The following MCTP1 variants were observed in gnomAD, a reference collection of about 807,000 sequenced individuals.
MCTP1 encodes multiple C2 and transmembrane domain-containing protein 1.
In MCTP1, 69 loss-of-function variants were observed where a neutral mutation model predicts 120.6. The ratio of observed to expected loss-of-function variants is 0.57; its 90% confidence interval spans 0.47 to 0.70. The LOEUF is 0.70. MCTP1 is among the 30% of genes least tolerant of loss of function. The pLI, the probability that MCTP1 is intolerant of heterozygous loss-of-function variation, is 0.00. For missense variants in MCTP1, 1,203 were observed against 1,248.8 expected, an observed-to-expected ratio of 0.96 and a Z score of 0.55; for synonymous variants, 529 against 493.1, an observed-to-expected ratio of 1.07 and a Z score of -0.96.
chr5:95,137,903 GAA>G (rs1041563841), intron 1 of MCTP1, among the ~76,000 whole-genome samples: 35 of 152,160 alleles, frequency 2.3e-4, no homozygotes, highest in African/African-American at 8.4e-4. Context: ...CATGTTCTTA[GAA>G]AACATTTACT....
intron 21 of MCTP1, chr5:94,709,717 A>G (rs1284888518): frequency 6.6e-6 from 1 of 152,158 alleles, no homozygotes; most frequent in South Asian, 2.1e-4. Flanking sequence ...TCTAAATTGA[A>G]TATCTTTGAA....
chr5:94,804,615 T>G (rs1031646503), intron 17 of MCTP1, among the ~76,000 whole-genome samples: 1 of 152,056 alleles, frequency 6.6e-6, no homozygotes, highest in Non-Finnish European at 1.5e-5. Context: ...ATTTTTTGTA[T>G]TTTTAGTAGA....
Position 94,912,904 on chromosome 5 carries a change from T to C in MCTP1, c.1423A>G (p.Thr475Ala), listed in dbSNP as rs1809111593. ...SHLWRGIVSI[T>A]LIEGRDLKAM... The stretch of plus-strand genomic sequence containing the variant: ...TTGAGGTCTCTCCCTTCAATCAAGG[T>C]GATGCTGACTATTCCTCTCCAAAGA... The change falls in exon 9 of 23, where the codon ACC becomes GCC. Residue 475 changes from threonine to alanine, a missense_variant. Physicochemically the swap from Thr to Ala is moderately conservative, Grantham distance 58. Transcript: ENST00000515393. 3.1e-6 allele frequency: 5 copies of C among 1,603,444 alleles called. No individual in the cohort carries two copies. The South Asian group carries it at 3.4e-5, about 11-fold the overall frequency.
chr5:95,125,335 T>A (rs1758543276), intron 1 of MCTP1, among the ~76,000 whole-genome samples: 1 of 152,240 alleles, frequency 6.6e-6, no homozygotes. Flanking sequence ...ATATTATCTA[T>A]TATAATGAGG....
intron 1 of MCTP1, among the ~76,000 whole-genome samples, chr5:95,061,785 G>A (rs1429754006): frequency 1.3e-5 from 2 of 152,186 alleles, no homozygotes; most frequent in Non-Finnish European, 2.9e-5. Flanking sequence ...GGAAGGCACT[G>A]TGTTAAGTGC....
At chr5:95,054,194 C>A (rs1431893944) in intron 1 of MCTP1, among the ~76,000 whole-genome samples, 1 of 152,192 alleles carries the variant, frequency 6.6e-6, no homozygotes, top group Non-Finnish European at 1.5e-5. Context: ...ACCGTGAGGG[C>A]CCACAGCCCG....
At chr5:95,080,747 C>T (rs1399258761) in intron 1 of MCTP1, among the ~76,000 whole-genome samples, 1 of 152,088 alleles carries the variant, frequency 6.6e-6, no homozygotes, top group Non-Finnish European at 1.5e-5. Context: ...AAAAATAAAC[C>T]TCTCATTCAT....
chr5:95,085,401 T>A (rs1562130754), intron 1 of MCTP1, among the ~76,000 whole-genome samples: 1 of 43,180 alleles, frequency 2.3e-5, no homozygotes. Context: ...ATAGATCCTT[T>A]AAATTTTTTT....
chr5:94,726,931 A>T (rs1295123521), intron 19 of MCTP1, among the ~76,000 whole-genome samples: 1 of 152,200 alleles, frequency 6.6e-6, no homozygotes, highest in Non-Finnish European at 1.5e-5. Context: ...TCGTGTGAGA[A>T]AAGAATCATA....
intron 17 of MCTP1, among the ~76,000 whole-genome samples, chr5:94,812,202 G>A (rs1033167281): frequency 6.6e-6 from 1 of 152,122 alleles, no homozygotes; most frequent in African/African-American, 2.4e-5. Flanking sequence ...CAGATGTGAT[G>A]TCACACTCTC....
At chr5:94,958,169 A>G (rs1050054040) in intron 2 of MCTP1, among the ~76,000 whole-genome samples, 14 of 144,666 alleles carry the variant, frequency 9.7e-5, no homozygotes, top group African/African-American at 3.5e-4. Context: ...TGAATGACAA[A>G]TGAGTAAATA....
At chr5:95,245,667 A>T (rs1425612421) in intron 1 of MCTP1, among the ~76,000 whole-genome samples, 2 of 152,202 alleles carry the variant, frequency 1.3e-5, no homozygotes, top group Non-Finnish European at 2.9e-5. Context: ...CCTCCAAGAA[A>T]TATGAGACTA....
chr5:94,847,810 T>A (rs1010047383), intron 17 of MCTP1, among the ~76,000 whole-genome samples: 3 of 151,940 alleles, frequency 2.0e-5, no homozygotes, highest in Admixed American at 1.3e-4. Context: ...CAGATGTTTC[T>A]GTAACAGAGG....
Position 95,216,466 on chromosome 5 carries a change from C to G in MCTP1, c.720+67390G>C, listed in dbSNP as rs147178029. ...CAGCTACCCGTAGCAAGAATATTCT[C>G]TTGGCATTTATTCCTCTACACTGTG... On this transcript the variant is annotated intron_variant, in intron 1 of 22. Coordinates refer to ENST00000515393, the MANE Select transcript of MCTP1 (RefSeq NM_024717.7). Among the ~76,000 whole-genome samples, 1,113 of 152,306 alleles carry G rather than the reference C, an allele frequency of 7.3e-3. 12 individuals are homozygous for G. Among genetic ancestry groups the G allele is most frequent in the South Asian group, 0.03 (146 of 4,824 alleles).
chr5:95,241,071 T>C (rs1481040341), intron 1 of MCTP1, among the ~76,000 whole-genome samples: 1 of 152,190 alleles, frequency 6.6e-6, no homozygotes, highest in Non-Finnish European at 1.5e-5. Context: ...TTTAAATTCA[T>C]TTATTTTTAT....
intron 19 of MCTP1, among the ~76,000 whole-genome samples, chr5:94,755,091 C>G (rs1769450558): frequency 6.6e-6 from 1 of 152,132 alleles, no homozygotes; most frequent in Non-Finnish European, 1.5e-5. Context: ...CACAGTCCTC[C>G]CAGTCCTCCC....
At chr5:95,040,882 G>A (rs932867873) in intron 1 of MCTP1, among the ~76,000 whole-genome samples, 2 of 152,158 alleles carry the variant, frequency 1.3e-5, no homozygotes, top group African/African-American at 4.8e-5. Context: ...CATGTAGGTA[G>A]GTAGCTGTGG....
chr5:94,939,146 A>G (rs1367682072), intron 5 of MCTP1, among the ~76,000 whole-genome samples: 1 of 152,100 alleles, frequency 6.6e-6, no homozygotes. Context: ...GAATTTTTCA[A>G]TGAGTTTAAA....
chr5:94,750,413 A>G (rs1338411598), intron 19 of MCTP1, among the ~76,000 whole-genome samples: 1 of 152,238 alleles, frequency 6.6e-6, no homozygotes, highest in Non-Finnish European at 1.5e-5. Context: ...AGACAATTGT[A>G]TAATCATTAA....
Sources: gnomAD v4.1 joint callset for allele counts (sites outside exome capture counted in the v4.1 genomes callset) on GRCh38, gnomAD v4.1.1 for gene constraint, MANE v1.5 for transcripts, NCBI Gene and HGNC (gene_info 2026-07-23, HGNC 2026-07-21) for gene names.